The following ZGRF1 variants were observed in gnomAD, a reference collection of about 807,000 sequenced individuals.
The protein encoded by ZGRF1 is zinc finger GRF-type containing 1, also known as 5'-3' DNA helicase ZGRF1.
In ZGRF1, 196 loss-of-function variants were observed where a neutral mutation model predicts 203.5. The observed-to-expected ratio is 0.96, with a 90% CI of 0.86 to 1.08. ZGRF1 has a LOEUF of 1.08. ZGRF1 is among the 50% of genes least tolerant of loss of function. The pLI is 0.00. For synonymous variants in ZGRF1, 809 were observed against 841.3 expected (o/e 0.96, Z 0.66); for missense variants, 2,326 against 2,416.3 (o/e 0.96, Z 0.78).
intron 24 of ZGRF1, among the ~76,000 whole-genome samples, chr4:112,543,148 T>A (rs1738030499): frequency 6.6e-6 from 1 of 152,218 alleles, no homozygotes; most frequent in Non-Finnish European, 1.5e-5. Context: ...GACTTGACAT[T>A]AGCCATATTA....
rs749987105 is a variant in ZGRF1 at position 112,583,975 on chromosome 4, T to C, written c.4298+3A>G. 21 of 1,590,144 alleles carry C rather than the reference T, an allele frequency of 1.3e-5. No homozygotes were observed. Among genetic ancestry groups the C allele is most frequent in the East Asian group, 2.2e-5 (1 of 44,600 alleles). ...GGCAATTATTTGGTACTATAAAACA[T>C]ACCTCACCAAAAGCTGGCATTCCTC... On this transcript the variant is annotated splice_donor_region_variant and intron_variant, in intron 15 of 27. Coordinates refer to ENST00000505019, the MANE Select transcript of ZGRF1 (RefSeq NM_018392.5).
chr4:112,615,427 T>C (rs1410222512), intron 6 of ZGRF1, among the ~76,000 whole-genome samples: 1 of 152,086 alleles, frequency 6.6e-6, no homozygotes, highest in East Asian at 1.9e-4. Context: ...TTTCACCATG[T>C]TGGCCAGGCT....
chr4:112,563,783 C>G (rs1051153397), intron 16 of ZGRF1, among the ~76,000 whole-genome samples: 3 of 152,116 alleles, frequency 2.0e-5, no homozygotes, highest in African/African-American at 7.2e-5. Context: ...GTTCTGGAAG[C>G]TAAAAAGCCC....
chr4:112,543,625 G>A (rs1441104601), intron 24 of ZGRF1, among the ~76,000 whole-genome samples: 1 of 152,134 alleles, frequency 6.6e-6, no homozygotes, highest in African/African-American at 2.4e-5. Context: ...ACTACCATTT[G>A]TTAAAACAGG....
rs369347551 is a variant in ZGRF1, at chr4:112,618,183, C to A, written c.1859G>T (p.Gly620Val). ...AGTTTTACATATTCCCATGTCAAAA[C>A]CCACATAAGTTTTATCACAAAACTG... The part of the protein sequence containing the change: ...PSQFCDKTYV[G>V]FDMGICKTEN... Residue 620 changes from glycine to valine, a missense_variant, in exon 6 of 28, where the codon GGT becomes GTT. Physicochemically the swap from Gly to Val is moderately radical, Grantham distance 109 (BLOSUM62 -3). Coordinates refer to ENST00000505019, the MANE Select transcript of ZGRF1 (RefSeq NM_018392.5). 1 of 1,613,700 alleles carries A rather than the reference C, an allele frequency of 6.2e-7. No individual in the cohort carries two copies. The highest frequency in any genetic ancestry group is 1.7e-5 in the Admixed American group (1 of 59,976).
At chr4:112,599,855 A>T (rs914626219) in intron 10 of ZGRF1, among the ~76,000 whole-genome samples, 5 of 152,200 alleles carry the variant, frequency 3.3e-5, no homozygotes, top group African/African-American at 1.2e-4. Flanking sequence ...TGAAGAAAAG[A>T]TAGCTTTTTC....
At chr4:112,616,835 T>TAA (rs34222388) in intron 6 of ZGRF1, among the ~76,000 whole-genome samples, 1 of 145,524 alleles carries the variant, frequency 6.9e-6, no homozygotes, top group African/African-American at 2.5e-5. Flanking sequence ...GAAACTGTCT[T>TAA]AAAAAAAAAA....
chr4:112,616,607 T>C (rs1578458327), intron 6 of ZGRF1, among the ~76,000 whole-genome samples: 1 of 148,736 alleles, frequency 6.7e-6, no homozygotes, highest in African/African-American at 2.5e-5. Context: ...GAGGCCGAGG[T>C]GGGCAGATCA....
rs766786302 is a variant in ZGRF1 at position 112,548,295 on chromosome 4, C to T, written c.5432G>A (p.Cys1811Tyr). Residue 1811 changes from cysteine to tyrosine, a missense_variant, in exon 23 of 28, where the codon TGT becomes TAT. By Grantham distance (194) the Cys-to-Tyr change is radical. Coordinates refer to ENST00000505019, the MANE Select transcript of ZGRF1 (RefSeq NM_018392.5). ...AGAGGCCGGTTCAGTTATCTGACTA[C>T]ACTCATCCAGCACAACTACAGGAAA... ...LKFPVVVLDE[C>Y]SQITEPASLL... 2 of 1,552,416 alleles carry T rather than the reference C, an allele frequency of 1.3e-6. No homozygotes were observed. The highest frequency in any genetic ancestry group is 2.4e-5 in the South Asian group (2 of 84,058).
chr4:112,569,071 A>G (rs1161601016), intron 16 of ZGRF1, among the ~76,000 whole-genome samples: 1 of 152,238 alleles, frequency 6.6e-6, no homozygotes, highest in African/African-American at 2.4e-5. Context: ...ATACAAGATG[A>G]TAACTAAGTA....
chr4:112,541,632 G>A (rs1262694287), intron 24 of ZGRF1, among the ~76,000 whole-genome samples: 1 of 151,208 alleles, frequency 6.6e-6, no homozygotes, highest in African/African-American at 2.4e-5. Context: ...GGTTTCAAGT[G>A]ATTCTTCTGC....
chr4:112,634,181 T>A (rs2047502211), intron 1 of ZGRF1, among the ~76,000 whole-genome samples: 1 of 152,234 alleles, frequency 6.6e-6, no homozygotes, highest in Non-Finnish European at 1.5e-5. Flanking sequence ...ATGGAAACTC[T>A]ATCCTCCATC....
At chr4:112,610,282 A>T (rs1751388163) in intron 7 of ZGRF1, among the ~76,000 whole-genome samples, 1 of 152,182 alleles carries the variant, frequency 6.6e-6, no homozygotes, top group African/African-American at 2.4e-5. Flanking sequence ...ATATTTGAAA[A>T]TATCATGGCC....
intron 10 of ZGRF1, among the ~76,000 whole-genome samples, chr4:112,592,953 TTC>T (rs907253080): frequency 2.0e-5 from 3 of 152,112 alleles, no homozygotes; most frequent in African/African-American, 7.2e-5. Context: ...CAACAGAGAA[TTC>T]TCTCTCTTCA....
intron 9 of ZGRF1, 110 bp from the exon 10 acceptor site, chr4:112,603,807 C>T (rs1750347605): frequency 1.4e-6 from 1 of 732,448 alleles, no homozygotes; most frequent in Non-Finnish European, 2.1e-6. Context: ...ATTACAGGAA[C>T]TATTGTAAAT....
rs1273074422 is a variant in ZGRF1, at chr4:112,587,264, C to A, written c.3777+16G>T. ...CTATTGGAAAAATGCACCACAAGACCGGTACATTTCCTCACCTGTAAATCC... is the reference window on the plus strand; with the variant it reads ...CTATTGGAAAAATGCACCACAAGACAGGTACATTTCCTCACCTGTAAATCC... On this transcript the variant is annotated intron_variant, in intron 12 of 27. Transcript: ENST00000505019. 6.3e-7 allele frequency: 1 copy of A among 1,577,176 alleles called. No individual in the cohort carries two copies. Among genetic ancestry groups the A allele is most frequent in the Non-Finnish European group, 8.6e-7 (1 of 1,162,570 alleles).
At chr4:112,553,752 G>A in intron 22 of ZGRF1, 83 bp downstream of exon 22, 1 of 1,251,034 alleles carries the variant, frequency 8.0e-7, no homozygotes, top group Non-Finnish European at 1.1e-6. Flanking sequence ...TTATTTAAAG[G>A]AAATATTATT....
At chr4:112,629,364 G>A (rs2047334939) in intron 3 of ZGRF1, among the ~76,000 whole-genome samples, 1 of 152,170 alleles carries the variant, frequency 6.6e-6, no homozygotes, top group Non-Finnish European at 1.5e-5. Flanking sequence ...TCTGACATTA[G>A]GTAATCCGAT....
Position 112,554,058 on chromosome 4 carries a change from T to C in ZGRF1, c.5199-76A>G, listed in dbSNP as rs896331913. 7 of 1,308,134 alleles carry C rather than the reference T, an allele frequency of 5.4e-6. No individual in the cohort carries two copies. In the South Asian group the frequency reaches 8.9e-5, roughly 17 times the overall value. The allele number at this position is 1,308,134 out of a possible 1,614,324, so 81.0% of individuals were successfully genotyped here. ...ACAGTAAAGCAAAATATAGATTTTC[T>C]TTTTTTTATTATACTTTAAGTTTTA... is the stretch of plus-strand genomic sequence containing the variant. On this transcript the variant is annotated intron_variant, in intron 21 of 27. Coordinates refer to ENST00000505019, the MANE Select transcript of ZGRF1 (RefSeq NM_018392.5).
Sources: allele counts gnomAD v4.1 joint callset (sites outside exome capture counted in the v4.1 genomes callset), GRCh38; gene constraint gnomAD v4.1.1; transcripts MANE v1.5; gene names NCBI Gene and HGNC (gene_info 2026-07-23, HGNC 2026-07-21).